The following FRAS1 variants were observed in gnomAD, a reference collection of about 807,000 sequenced individuals.
FRAS1 encodes the protein extracellular matrix organizing protein FRAS1.
FRAS1 carries 290 observed loss-of-function variants against 435.2 expected under a neutral mutation model. The observed-to-expected ratio is 0.67, with a 90% CI of 0.61 to 0.73. The LOEUF (loss-of-function observed/expected upper bound fraction) is 0.73, where lower values mean the gene tolerates loss of function less well. Among genes scored for constraint, FRAS1 ranks in the 30% least tolerant of loss-of-function variants. FRAS1 has a pLI of 0.00. For missense variants in FRAS1, 4,860 were observed against 5,001.5 expected (o/e 0.97, Z 0.85); for synonymous variants, 1,800 against 1,851.0 (o/e 0.97, Z 0.71).
intron 31 of FRAS1, among the ~76,000 whole-genome samples, 185 bp from the exon 32 acceptor site, chr4:78,412,784 A>G (rs538256112): frequency 1.2e-4 from 18 of 152,310 alleles, no homozygotes; most frequent in South Asian, 2.1e-4. Flanking sequence ...AAATCAGTAA[A>G]AGATCAATAT....
At position 78,379,890 on chromosome 4, in the gene FRAS1, C is replaced by G. The variant is rs1376676347; in HGVS notation, c.3457C>G (p.Leu1153Val). The G allele has an allele frequency of 6.2e-7, 1 of 1,613,776 alleles. No homozygotes were observed. The highest frequency in any genetic ancestry group is 8.5e-7 in the Non-Finnish European group (1 of 1,179,868). ...VSTPTNGQLV[L>V]SRNGKEVQLD... ...CACTCCCACCAATGGTCAGCTAGTGCTCTCAAGAAATGGAAAAGAGGTTCA... is the reference window on the plus strand; with the variant it reads ...CACTCCCACCAATGGTCAGCTAGTGGTCTCAAGAAATGGAAAAGAGGTTCA... Residue 1153 changes from leucine (L) to valine (V), a missense_variant, in exon 27 of 74, where the codon CTC becomes GTC. Coordinates refer to ENST00000512123, the MANE Select transcript of FRAS1 (RefSeq NM_025074.7).
rs1049227814 is a variant in FRAS1 at position 78,541,174 on chromosome 4, G to A, written c.*50G>A. 2 of 1,065,090 alleles carry A rather than the reference G, an allele frequency of 1.9e-6. No homozygotes were observed. The highest frequency in any genetic ancestry group is 3.2e-5 in the African/African-American group (2 of 61,552). 66.0% of individuals were successfully genotyped at this position (1,065,090 alleles called of 1,614,324 possible). ...TTCTAAAATCATTTTTATAAAATGG[G>A]GGGAAATACTGGTATTTTTATAATC... On this transcript the variant is annotated 3_prime_UTR_variant, in exon 74 of 74. Coordinates refer to ENST00000512123, the MANE Select transcript of FRAS1 (RefSeq NM_025074.7).
intron 17 of FRAS1, among the ~76,000 whole-genome samples, chr4:78,317,750 G>A: frequency 6.6e-6 from 1 of 151,988 alleles, no homozygotes. Context: ...GTTTTTAGGG[G>A]GAATATTAAA....
chr4:78,135,899 G>T (rs1719898221), intron 2 of FRAS1, among the ~76,000 whole-genome samples: 1 of 152,136 alleles, frequency 6.6e-6, no homozygotes. Flanking sequence ...ATACCGAACT[G>T]TTGCTCCTAA....
intron 23 of FRAS1, among the ~76,000 whole-genome samples, chr4:78,371,096 T>TG (rs1313507468): frequency 2.0e-5 from 3 of 150,976 alleles, no homozygotes; most frequent in Admixed American, 6.6e-5. Flanking sequence ...TTTTTGTTTT[T>TG]TTTTTTTTTT....
chr4:78,122,024 A>T (rs1379334960), intron 2 of FRAS1, among the ~76,000 whole-genome samples: 1 of 152,154 alleles, frequency 6.6e-6, no homozygotes, highest in Non-Finnish European at 1.5e-5. Context: ...CATGTGCAGA[A>T]CATGCAGTTT....
At chr4:78,413,183 C>A in intron 32 of FRAS1, 98 bp downstream of exon 32, 1 of 632,106 alleles carries the variant, frequency 1.6e-6, no homozygotes, top group Non-Finnish European at 2.7e-6. Flanking sequence ...ATAGTAAGTG[C>A]CTGGCCCAGA....
intron 72 of FRAS1, among the ~76,000 whole-genome samples, 183 bp downstream of exon 72, chr4:78,537,383 C>A (rs6533756): frequency 0.53 from 81,273 of 152,082 alleles, 22,211 homozygotes; most frequent in East Asian, 0.85. Flanking sequence ...CGATGAGTAA[C>A]AAGACAAACT....
chr4:78,343,465 TC>T lies in FRAS1; in HGVS notation c.2422+5649del, dbSNP rs1730479777. 5.7e-5 allele frequency among the ~76,000 whole-genome samples: 8 copies of T among 140,372 alleles called. No homozygotes were observed. The South Asian group carries it at 2.2e-3, about 39-fold the overall frequency. The allele number at this position is 140,372 out of a possible 152,430, so 92.1% of individuals were successfully genotyped here. A position where few individuals can be genotyped will look rare whatever the true frequency, so the allele number is the denominator to read the frequency against. ...TCTCTCTCTCTCTTCTACCCTACCT[TC>T]TTTCTTTTCTCTGTGGGCAGGCAGA... On this transcript the variant is annotated intron_variant, in intron 20 of 73. Transcript: ENST00000512123.
chr4:78,453,903 A>G (rs183113638), intron 47 of FRAS1, among the ~76,000 whole-genome samples: 209 of 152,286 alleles, frequency 1.4e-3, no homozygotes, highest in Middle Eastern at 6.8e-3. Flanking sequence ...TTCAGATTTT[A>G]GGTTATACAG....
intron 63 of FRAS1, among the ~76,000 whole-genome samples, chr4:78,510,024 C>T (rs944164643): frequency 1.1e-4 from 16 of 152,198 alleles, no homozygotes; most frequent in African/African-American, 3.9e-4. Context: ...CGTTCATACC[C>T]ACTCTCTTTG....
intron 49 of FRAS1, among the ~76,000 whole-genome samples, chr4:78,465,381 G>A (rs1291659074): frequency 6.6e-6 from 1 of 152,178 alleles, no homozygotes; most frequent in African/African-American, 2.4e-5. Flanking sequence ...GTGCTATGCA[G>A]AAAAATAAAG....
intron 2 of FRAS1, among the ~76,000 whole-genome samples, chr4:78,140,750 CG>C (rs869219870): frequency 6.8e-6 from 1 of 147,180 alleles, no homozygotes; most frequent in Non-Finnish European, 1.5e-5. Flanking sequence ...TATGTATATA[CG>C]TGTGTGTATA....
intron 2 of FRAS1, chr4:78,182,157 A>C (rs866773584): frequency 1.3e-6 from 1 of 757,032 alleles, no homozygotes; most frequent in South Asian, 2.1e-5. Context: ...GGAAGCAGGT[A>C]TTTAATAATT....
chr4:78,500,883 G>A (rs772912896), intron 61 of FRAS1, among the ~76,000 whole-genome samples: 2 of 152,080 alleles, frequency 1.3e-5, no homozygotes, highest in Non-Finnish European at 2.9e-5. Flanking sequence ...AACTTAACCC[G>A]GATGTCTGTA....
intron 72 of FRAS1, 85 bp from the exon 73 acceptor site, chr4:78,539,209 A>C: frequency 7.5e-7 from 1 of 1,339,752 alleles, no homozygotes; most frequent in Non-Finnish European, 1.0e-6. Context: ...AGTGATGAGT[A>C]CTTTTCTCCT....
intron 2 of FRAS1, among the ~76,000 whole-genome samples, chr4:78,076,598 A>T (rs1017506025): frequency 6.6e-6 from 1 of 152,212 alleles, no homozygotes; most frequent in African/African-American, 2.4e-5. Context: ...CTAGGATTTT[A>T]TCAGCTGTAT....
intron 2 of FRAS1, among the ~76,000 whole-genome samples, chr4:78,156,167 A>G (rs1720873244): frequency 6.6e-6 from 1 of 151,982 alleles, no homozygotes; most frequent in Non-Finnish European, 1.5e-5. Context: ...GAGGTGCAAG[A>G]CTCTCTTTTT....
At chr4:78,282,683 T>G (rs1371403094) in intron 11 of FRAS1, 137 bp from the exon 12 acceptor site, 5 of 867,308 alleles carry the variant, frequency 5.8e-6, no homozygotes, top group Non-Finnish European at 9.1e-6. Flanking sequence ...ATTGTTCTGT[T>G]TCAGAGTTAG....
Sources: allele counts gnomAD v4.1 joint callset (sites outside exome capture counted in the v4.1 genomes callset), GRCh38; gene constraint gnomAD v4.1.1; transcripts MANE v1.5; gene names NCBI Gene and HGNC (gene_info 2026-07-23, HGNC 2026-07-21).